Variants in ECT2L observed in about 807,000 individuals in gnomAD.
The protein encoded by ECT2L is epithelial cell transforming 2 like.
A neutral mutation model predicts 122.8 loss-of-function variants in ECT2L; 126 were observed. That is an observed-to-expected ratio of 1.03 (90% CI 0.89 to 1.19). The LOEUF is 1.19. Ranked by LOEUF, ECT2L falls within the 50% of genes most tolerant of loss-of-function variation. ECT2L has a pLI of 0.00. For synonymous variants in ECT2L, 385 were observed against 381.8 expected (o/e 1.01, Z -0.10); for missense variants, 1,012 against 1,064.1 (o/e 0.95, Z 0.68).
chr6:138,805,916 G>A (rs983072821), intron 1 of ECT2L, among the ~76,000 whole-genome samples: 2 of 152,206 alleles, frequency 1.3e-5, no homozygotes, highest in South Asian at 4.1e-4. Flanking sequence ...TGGAGAACTG[G>A]TATGTGGGTA....
At chr6:138,811,540 G>C (rs1454988509) in intron 1 of ECT2L, among the ~76,000 whole-genome samples, 1 of 152,212 alleles carries the variant, frequency 6.6e-6, no homozygotes, top group Non-Finnish European at 1.5e-5. Flanking sequence ...GCTTTAATCT[G>C]AGAGGACTAG....
At chr6:138,842,917 A>G in intron 5 of ECT2L, 62 bp from the exon 6 acceptor site, 1 of 1,380,356 alleles carries the variant, frequency 7.2e-7, no homozygotes, top group East Asian at 2.4e-5. Flanking sequence ...GTACCTGAAA[A>G]TATTATTGCT....
At chr6:138,837,065 G>T (rs2128386424) in intron 4 of ECT2L, among the ~76,000 whole-genome samples, 1 of 152,114 alleles carries the variant, frequency 6.6e-6, no homozygotes, top group South Asian at 2.1e-4. Flanking sequence ...GGATGTTATT[G>T]CTTTTAGGTG....
At chr6:138,839,883 A>T (rs1442536121) in intron 5 of ECT2L, among the ~76,000 whole-genome samples, 1 of 151,952 alleles carries the variant, frequency 6.6e-6, no homozygotes, top group Non-Finnish European at 1.5e-5. Context: ...ATATTATCTT[A>T]CCATTTCTAA....
chr6:138,835,529 G>A (rs1203843497), intron 4 of ECT2L, among the ~76,000 whole-genome samples: 1 of 150,624 alleles, frequency 6.6e-6, no homozygotes, highest in Non-Finnish European at 1.5e-5. Context: ...TCCAGCCTGG[G>A]TGACAGAGCC....
chr6:138,849,380 C>T lies in ECT2L; in HGVS notation c.1015C>T (p.Gln339Ter). Residue 339 changes from glutamine to a stop codon, truncating the protein, a stop_gained, in exon 9 of 22, where the codon CAG becomes TAG. Coordinates refer to ENST00000541398, the MANE Select transcript of ECT2L (RefSeq NM_001077706.3). LOFTEE classifies it high-confidence loss of function. Reference sequence around the variant, plus strand: ...AAAAGCTCTGGATGGGCAGAAGGCACAGAGCATCGGAATATTTAGCGATGG... The same window carrying T: ...AAAAGCTCTGGATGGGCAGAAGGCATAGAGCATCGGAATATTTAGCGATGG... Reference protein sequence around the residue: ...IEKALDGQKAQSIGIFSDGDS... With the variant: ...IEKALDGQKA The T allele has an allele frequency of 1.9e-6, 3 of 1,613,882 alleles. No homozygotes were observed. Among genetic ancestry groups the T allele is most frequent in the African/African-American group, 1.3e-5 (1 of 74,952 alleles).
At chr6:138,866,078 A>G (rs1406656195) in intron 12 of ECT2L, among the ~76,000 whole-genome samples, 1 of 151,758 alleles carries the variant, frequency 6.6e-6, no homozygotes, top group African/African-American at 2.4e-5. Flanking sequence ...ACTCTATCAC[A>G]TTTAGGAGGT....
intron 7 of ECT2L, among the ~76,000 whole-genome samples, chr6:138,845,678 C>T (rs1777194869): frequency 6.6e-6 from 1 of 152,214 alleles, no homozygotes; most frequent in Non-Finnish European, 1.5e-5. Flanking sequence ...AAAATTCCAG[C>T]ACTCTTTCAA....
chr6:138,891,269 T>C (rs1453777605), intron 20 of ECT2L, among the ~76,000 whole-genome samples: 1 of 152,216 alleles, frequency 6.6e-6, no homozygotes, highest in Admixed American at 6.5e-5. Flanking sequence ...CCTCAAAATA[T>C]ATTTATTTGA....
At chr6:138,902,453 A>T (rs1562501322) in intron 21 of ECT2L, 47 bp from the exon 22 acceptor site, 3 of 1,551,284 alleles carry the variant, frequency 1.9e-6, no homozygotes, top group Admixed American at 2.1e-5. Flanking sequence ...TCTCATTTTG[A>T]TTGTTATCTG....
chr6:138,868,001 A>AT, intron 12 of ECT2L, 102 bp from the exon 13 acceptor site: 1 of 393,060 alleles, frequency 2.5e-6, no homozygotes, highest in Non-Finnish European at 3.8e-6. Context: ...TTCTGTCTCA[A>AT]AAAAAAAAAA....
chr6:138,830,703 G>A (rs1417963095), intron 4 of ECT2L, among the ~76,000 whole-genome samples: 1 of 152,144 alleles, frequency 6.6e-6, no homozygotes, highest in African/African-American at 2.4e-5. Context: ...TGCCATGACA[G>A]AAGATTAATC....
intron 1 of ECT2L, among the ~76,000 whole-genome samples, chr6:138,804,920 G>A (rs1344392035): frequency 1.3e-5 from 2 of 152,052 alleles, no homozygotes; most frequent in Non-Finnish European, 1.5e-5. Flanking sequence ...ATCACAGCAC[G>A]CAGGGAAGTC....
At chr6:138,819,544 T>A (rs55681475) in intron 4 of ECT2L, among the ~76,000 whole-genome samples, 32,578 of 151,950 alleles carry the variant, frequency 0.21, 3,974 homozygotes, top group Middle Eastern at 0.29. Flanking sequence ...TGGTGACTCT[T>A]TTCATCTCTA....
intron 4 of ECT2L, among the ~76,000 whole-genome samples, chr6:138,834,935 A>ACT (rs1554271415): frequency 1.4e-3 from 206 of 142,848 alleles, no homozygotes; most frequent in African/African-American, 4.5e-3. Context: ...ACACACACAC[A>ACT]CTCTCATTCT....
intron 14 of ECT2L, among the ~76,000 whole-genome samples, chr6:138,879,668 C>T (rs931051361): frequency 6.6e-6 from 1 of 151,932 alleles, no homozygotes; most frequent in East Asian, 1.9e-4. Flanking sequence ...AAAAATAAAA[C>T]AAGAGGCTGG....
chr6:138,817,108 A>AT (rs1562455210), intron 4 of ECT2L, among the ~76,000 whole-genome samples: 1 of 152,222 alleles, frequency 6.6e-6, no homozygotes, highest in East Asian at 1.9e-4. Flanking sequence ...AGGTTCATCC[A>AT]TTTTGTTACA....
chr6:138,848,011 G>T (rs2128392367), intron 8 of ECT2L, among the ~76,000 whole-genome samples: 1 of 152,258 alleles, frequency 6.6e-6, no homozygotes, highest in East Asian at 1.9e-4. Context: ...ATGACAGCAG[G>T]AGAGAGAAGA....
At chr6:138,850,055 T>C (rs1054677879) in intron 9 of ECT2L, among the ~76,000 whole-genome samples, 19 of 152,188 alleles carry the variant, frequency 1.2e-4, no homozygotes, top group African/African-American at 4.1e-4. Flanking sequence ...CCACAGGCCC[T>C]GACAACCACC....
Sources: gnomAD v4.1 joint callset for allele counts (sites outside exome capture counted in the v4.1 genomes callset) on GRCh38, gnomAD v4.1.1 for gene constraint, MANE v1.5 for transcripts, NCBI Gene and HGNC (gene_info 2026-07-23, HGNC 2026-07-21) for gene names.